The following PACRG variants were observed in gnomAD, a reference collection of about 807,000 sequenced individuals.
The protein encoded by PACRG is parkin coregulated.
Under a neutral mutation model 29.7 loss-of-function variants are expected in PACRG, and 29 were observed. The observed-to-expected ratio is 0.98, with a 90% CI of 0.73 to 1.33. The LOEUF (loss-of-function observed/expected upper bound fraction) is 1.33, where lower values mean the gene tolerates loss of function less well. Among genes scored for constraint, PACRG ranks in the 40% most tolerant of loss-of-function variants. The pLI, the probability that PACRG is intolerant of heterozygous loss-of-function variation, is 0.00. For missense variants in PACRG, 279 were observed against 316.2 expected, an observed-to-expected ratio of 0.88 and a Z score of 0.89; for synonymous variants, 116 against 118.7, an observed-to-expected ratio of 0.98 and a Z score of 0.15.
chr6:162,771,381 A>G (rs1178659198), intron 1 of PACRG, among the ~76,000 whole-genome samples: 1 of 152,174 alleles, frequency 6.6e-6, no homozygotes, highest in Non-Finnish European at 1.5e-5. Context: ...TTCCAGGGTT[A>G]TATTTCATTG....
chr6:163,058,561 C>T (rs1810798619), intron 2 of PACRG, among the ~76,000 whole-genome samples: 1 of 151,548 alleles, frequency 6.6e-6, no homozygotes, highest in South Asian at 2.1e-4. Flanking sequence ...TCACCTAAGG[C>T]CAGGTGATCT....
At chr6:163,283,886 G>A (rs1349065786) in intron 4 of PACRG, among the ~76,000 whole-genome samples, 4 of 152,230 alleles carry the variant, frequency 2.6e-5, no homozygotes, top group Non-Finnish European at 4.4e-5. Flanking sequence ...GGCCAAGGCC[G>A]GTAGATCACT....
Position 163,189,164 on chromosome 6 carries a change from A to T in PACRG, c.613+99756A>T, listed in dbSNP as rs146542894. ...GTATAAAGCCCGTTTGTATGATCAA[A>T]GCAGGCATCATCTGTACTGCTAAGT... On this transcript the variant is annotated intron_variant, in intron 4 of 4. Coordinates refer to ENST00000366888, the MANE Select transcript of PACRG (RefSeq NM_001080379.2). Among the ~76,000 whole-genome samples, 141 of 152,382 alleles carry T rather than the reference A, an allele frequency of 9.3e-4. 6 individuals carry two copies. In the East Asian group the frequency reaches 0.025, roughly 28 times the overall value.
At chr6:163,158,005 G>A (rs1033203084) in intron 4 of PACRG, among the ~76,000 whole-genome samples, 1 of 152,122 alleles carries the variant, frequency 6.6e-6, no homozygotes, top group African/African-American at 2.4e-5. Context: ...GGAAAGAAAT[G>A]GAAAACAAAA....
At chr6:163,021,879 A>T (rs1360435035) in intron 2 of PACRG, among the ~76,000 whole-genome samples, 1 of 152,242 alleles carries the variant, frequency 6.6e-6, no homozygotes, top group Non-Finnish European at 1.5e-5. Context: ...CGAGTTAAGC[A>T]TCAGAATAAT....
intron 4 of PACRG, among the ~76,000 whole-genome samples, chr6:163,283,408 A>T (rs1784283539): frequency 6.6e-6 from 1 of 152,260 alleles, no homozygotes; most frequent in African/African-American, 2.4e-5. Flanking sequence ...ACCTGAACAA[A>T]GAAATAGATA....
chr6:162,973,551 A>G (rs1385688765), intron 2 of PACRG, among the ~76,000 whole-genome samples: 1 of 152,000 alleles, frequency 6.6e-6, no homozygotes, highest in African/African-American at 2.4e-5. Context: ...CTTAAATGTC[A>G]TTTTGTCTTT....
At chr6:163,129,794 C>G (rs2761256) in intron 4 of PACRG, among the ~76,000 whole-genome samples, 39,130 of 152,036 alleles carry the variant, frequency 0.26, 5,150 homozygotes, top group East Asian at 0.47. Flanking sequence ...CCCTCAGTTT[C>G]CTCATCTACA....
chr6:162,877,760 G>T (rs1295086838), intron 2 of PACRG, among the ~76,000 whole-genome samples: 1 of 152,092 alleles, frequency 6.6e-6, no homozygotes, highest in Admixed American at 6.5e-5. Flanking sequence ...ACGTTCCTTG[G>T]TTCAGAAATG....
At chr6:163,229,609 G>A (rs1781944622) in intron 4 of PACRG, among the ~76,000 whole-genome samples, 1 of 152,168 alleles carries the variant, frequency 6.6e-6, no homozygotes, top group South Asian at 2.1e-4. Flanking sequence ...AAGCACCATC[G>A]TTCCCCTTCA....
rs1287778111 is a variant in PACRG at position 162,757,327 on chromosome 6, G to A, written c.156+28936G>A. Among the ~76,000 whole-genome samples, 2 of 151,980 alleles carry A rather than the reference G, an allele frequency of 1.3e-5. 1 individual carries two copies. The highest frequency in any genetic ancestry group is 3.9e-4 in the East Asian group (2 of 5,186). On this transcript the variant is annotated intron_variant, in intron 1 of 4. Transcript: ENST00000366888. ...ACTGTCTACTGTGAAAATAAAACTG[G>A]CATTAGAAGATTAAAGAAACATTAT...
intron 4 of PACRG, among the ~76,000 whole-genome samples, chr6:163,231,553 G>C (rs1782044905): frequency 2.0e-5 from 3 of 152,130 alleles, no homozygotes; most frequent in African/African-American, 2.4e-5. Context: ...CAACTTTGCA[G>C]GTCTTCACAA....
intron 4 of PACRG, among the ~76,000 whole-genome samples, chr6:163,205,940 C>G (rs938271710): frequency 6.6e-6 from 1 of 152,010 alleles, no homozygotes; most frequent in Non-Finnish European, 1.5e-5. Context: ...ACACAAATGA[C>G]CAACAAGCAT....
chr6:162,814,286 G>T lies in PACRG; in HGVS notation c.291+5G>T, dbSNP rs751917159. 9.9e-6 allele frequency: 16 copies of T among 1,613,626 alleles called. No individual in the cohort carries two copies. Among genetic ancestry groups the T allele is most frequent in the Non-Finnish European group, 1.4e-5 (16 of 1,179,648 alleles). On this transcript the variant is annotated splice_donor_5th_base_variant and intron_variant, in intron 2 of 4. Transcript: ENST00000366888. ...GGAAACAAAATCGCCTGGAAGGTAA[G>T]TCAGGGCACAGCTGTGCCGGCCAGC...
intron 2 of PACRG, among the ~76,000 whole-genome samples, chr6:162,951,267 A>T (rs2128132555): frequency 6.6e-6 from 1 of 152,356 alleles, no homozygotes; most frequent in African/African-American, 2.4e-5. Context: ...TTTTCTATCA[A>T]GTCTATTTAT....
At chr6:162,762,294 C>A (rs1422881616) in intron 1 of PACRG, among the ~76,000 whole-genome samples, 1 of 152,072 alleles carries the variant, frequency 6.6e-6, no homozygotes, top group African/African-American at 2.4e-5. Context: ...TCCTTTTACT[C>A]CAAGGTAAGA....
At chr6:162,975,852 TC>T (rs1801909112) in intron 2 of PACRG, among the ~76,000 whole-genome samples, 1 of 151,920 alleles carries the variant, frequency 6.6e-6, no homozygotes, top group Admixed American at 6.6e-5. Context: ...CTCCCTCCCT[TC>T]CTTCCACAAA....
At chr6:162,727,314 A>AAGGTGAGGGGCGGCGGCGGGGCGG, upstream of PACRG, 4 of 352,150 alleles carry the variant, frequency 1.1e-5, no homozygotes, top group South Asian at 4.1e-5. Context: ...CGGCGGGGCG[A>AAGGTGAGGGGCGGCGGCGGGGCGG]AGGTGAGGGG....
intron 2 of PACRG, among the ~76,000 whole-genome samples, chr6:162,962,657 C>T (rs1800725786): frequency 6.6e-6 from 1 of 152,190 alleles, no homozygotes; most frequent in Admixed American, 6.5e-5. Flanking sequence ...GAGCCCTCAT[C>T]AGGAACCACA....
Sources: gnomAD v4.1 joint callset for allele counts (sites outside exome capture counted in the v4.1 genomes callset) on GRCh38, gnomAD v4.1.1 for gene constraint, MANE v1.5 for transcripts, NCBI Gene and HGNC (gene_info 2026-07-23, HGNC 2026-07-21) for gene names.